The following CSMD1 variants were observed in gnomAD, a reference collection of about 807,000 sequenced individuals.
CSMD1 encodes CUB and sushi domain-containing protein 1.
CSMD1 carries 213 observed loss-of-function variants against 417.5 expected under a neutral mutation model. The observed-to-expected ratio is 0.51, with a 90% CI of 0.46 to 0.57. The LOEUF is 0.57. Ranked by LOEUF, CSMD1 falls within the 20% of genes least tolerant of loss-of-function variation. CSMD1 has a pLI of 0.00. For missense variants in CSMD1, 6,923 were observed against 4,529.7 expected (o/e 1.53, Z -15.17); for synonymous variants, 2,862 against 1,736.8 (o/e 1.65, Z -16.11).
At chr8:3,816,159 G>C (rs1338611736) in intron 5 of CSMD1, among the ~76,000 whole-genome samples, 2 of 152,110 alleles carry the variant, frequency 1.3e-5, no homozygotes, top group Non-Finnish European at 2.9e-5. Flanking sequence ...AACAAGATTG[G>C]ATAAAAACCT....
chr8:4,427,159 C>T (rs965013251), intron 2 of CSMD1, among the ~76,000 whole-genome samples: 1 of 152,088 alleles, frequency 6.6e-6, no homozygotes, highest in South Asian at 2.1e-4. Context: ...AGGACAGAAT[C>T]TACACAATGG....
chr8:4,142,034 A>T (rs1803822521), intron 3 of CSMD1, among the ~76,000 whole-genome samples: 2 of 139,046 alleles, frequency 1.4e-5, no homozygotes, highest in Non-Finnish European at 3.2e-5. Context: ...ATATTCAAAG[A>T]TGTTTTAAAT....
chr8:3,316,736 G>A (rs2117451788), intron 23 of CSMD1, among the ~76,000 whole-genome samples: 1 of 152,310 alleles, frequency 6.6e-6, no homozygotes, highest in South Asian at 2.1e-4. Flanking sequence ...AAGGTCACGG[G>A]AAAGACTGGA....
At chr8:4,600,225 A>G (rs1800510496) in intron 2 of CSMD1, among the ~76,000 whole-genome samples, 1 of 50,400 alleles carries the variant, frequency 2.0e-5, no homozygotes, top group South Asian at 7.1e-4. Flanking sequence ...GACCCTCCTC[A>G]CGTGATACTC....
At chr8:4,020,782 G>C (rs1796750150) in intron 4 of CSMD1, among the ~76,000 whole-genome samples, 1 of 152,216 alleles carries the variant, frequency 6.6e-6, no homozygotes, top group South Asian at 2.1e-4. Flanking sequence ...GATAAGGTCT[G>C]AAATGAGATT....
intron 26 of CSMD1, among the ~76,000 whole-genome samples, chr8:3,264,682 A>T (rs566583201): frequency 6.6e-6 from 1 of 152,170 alleles, no homozygotes; most frequent in African/African-American, 2.4e-5. Context: ...GGTCGTAAAA[A>T]GAGTATTGTG....
At chr8:3,218,455 G>C (rs1305406235) in intron 29 of CSMD1, among the ~76,000 whole-genome samples, 1 of 151,568 alleles carries the variant, frequency 6.6e-6, no homozygotes, top group Admixed American at 6.6e-5. Context: ...CAGCTACTCG[G>C]GAGGCTGAGG....
intron 5 of CSMD1, among the ~76,000 whole-genome samples, chr8:3,874,857 A>G (rs1308499502): frequency 6.6e-6 from 1 of 152,122 alleles, no homozygotes; most frequent in Non-Finnish European, 1.5e-5. Context: ...ACCCATTAAG[A>G]AAACGGCAAA....
intron 3 of CSMD1, among the ~76,000 whole-genome samples, chr8:4,209,506 C>T (rs191031847): frequency 2.0e-5 from 3 of 152,292 alleles, no homozygotes; most frequent in East Asian, 3.9e-4. Context: ...CTCCCATGGC[C>T]CCTCCTCTCT....
chr8:3,001,289 A>C (rs1258381378), intron 52 of CSMD1, among the ~76,000 whole-genome samples: 6 of 152,006 alleles, frequency 3.9e-5, no homozygotes, highest in Admixed American at 1.3e-4. Context: ...AGCCACCACA[A>C]CATTTTGTTA....
intron 3 of CSMD1, among the ~76,000 whole-genome samples, chr8:4,148,585 G>A (rs969801433): frequency 1.6e-4 from 24 of 152,068 alleles, no homozygotes; most frequent in African/African-American, 4.6e-4. Flanking sequence ...TAGGAGACCA[G>A]CTGTCTGGTC....
chr8:4,666,834 G>C (rs796802692), intron 1 of CSMD1, among the ~76,000 whole-genome samples: 11 of 152,132 alleles, frequency 7.2e-5, no homozygotes, highest in African/African-American at 2.4e-4. Flanking sequence ...GTTTTGAAGA[G>C]CAGAACTTTA....
At chr8:4,383,380 C>G (rs149254742) in intron 3 of CSMD1, among the ~76,000 whole-genome samples, 1 of 152,114 alleles carries the variant, frequency 6.6e-6, no homozygotes, top group Admixed American at 6.6e-5. Flanking sequence ...GAAATGTTTA[C>G]TTGGGGGCTA....
At chr8:4,880,803 GAA>G (rs1803347381) in intron 1 of CSMD1, among the ~76,000 whole-genome samples, 1 of 152,046 alleles carries the variant, frequency 6.6e-6, no homozygotes, top group African/African-American at 2.4e-5. Flanking sequence ...CCTGCACTCA[GAA>G]AAAGTTTTCA....
intron 17 of CSMD1, 131 bp from the exon 18 acceptor site, chr8:3,387,813 C>T (rs1326881354): frequency 1.4e-6 from 1 of 728,454 alleles, no homozygotes; most frequent in Middle Eastern, 3.4e-4. Flanking sequence ...GTGAACCCAA[C>T]AATCCATGGA....
chr8:3,441,510 T>TATATATATATATATATATACAC (rs1369666489), intron 12 of CSMD1, among the ~76,000 whole-genome samples: 2 of 147,084 alleles, frequency 1.4e-5, no homozygotes, highest in African/African-American at 5.0e-5. Context: ...TATATATATA[T>TATATATATATATATATATACAC]ACACACACAC....
chr8:4,619,784 T>C (rs1801667370), intron 2 of CSMD1, among the ~76,000 whole-genome samples: 1 of 152,144 alleles, frequency 6.6e-6, no homozygotes, highest in Admixed American at 6.6e-5. Context: ...CTCACAATTT[T>C]GGTATTCATA....
At chr8:4,779,621 C>G (rs1372036348) in intron 1 of CSMD1, among the ~76,000 whole-genome samples, 3 of 152,236 alleles carry the variant, frequency 2.0e-5, no homozygotes, top group Non-Finnish European at 4.4e-5. Flanking sequence ...GCCTCCAGCA[C>G]TTCTCAAGCT....
chr8:4,017,568 A>C lies in CSMD1; in HGVS notation c.610+14337T>G, dbSNP rs559453506. Among the ~76,000 whole-genome samples the C allele has an allele frequency of 3.3e-5, 5 of 152,262 alleles. No individual in the cohort carries two copies. In the East Asian group the frequency reaches 9.6e-4, roughly 29 times the overall value. ...TGATCCACCCACCTTGGTCTCCCAA[A>C]GTGCTGGAATTACAGGCGTGAGCCA... On this transcript the variant is annotated intron_variant, in intron 4 of 69. Transcript: ENST00000635120.
Sources: gnomAD v4.1 joint callset for allele counts (sites outside exome capture counted in the v4.1 genomes callset) on GRCh38, gnomAD v4.1.1 for gene constraint, MANE v1.5 for transcripts, NCBI Gene and HGNC (gene_info 2026-07-23, HGNC 2026-07-21) for gene names.